AP3M1: variants seen among roughly 807,000 people sequenced by gnomAD.
The protein encoded by AP3M1 is AP-3 complex subunit mu-1.
Under a neutral mutation model 42.6 loss-of-function variants are expected in AP3M1, and 29 were observed. The ratio of observed to expected loss-of-function variants is 0.68; its 90% confidence interval spans 0.51 to 0.93. The LOEUF is 0.93. Ranked by LOEUF, AP3M1 falls within the 40% of genes least tolerant of loss-of-function variation. AP3M1 has a pLI of 0.00. For missense variants in AP3M1, 416 were observed against 510.2 expected, an observed-to-expected ratio of 0.82 and a Z score of 1.78; for synonymous variants, 178 against 175.3, an observed-to-expected ratio of 1.02 and a Z score of -0.12.
At chr10:74,140,402 G>A (rs1267205882) in intron 1 of AP3M1, among the ~76,000 whole-genome samples, 1 of 152,180 alleles carries the variant, frequency 6.6e-6, no homozygotes, top group South Asian at 2.1e-4. Context: ...CCTTCAAAGC[G>A]GGGTCTTCTG....
chr10:74,141,959 G>T (rs1409535039), intron 1 of AP3M1, among the ~76,000 whole-genome samples: 2 of 151,136 alleles, frequency 1.3e-5, no homozygotes, highest in Non-Finnish European at 2.9e-5. Flanking sequence ...CTGACCTCGT[G>T]ATCCGCCTGC....
At chr10:74,140,840 C>T (rs1489050114) in intron 1 of AP3M1, among the ~76,000 whole-genome samples, 1 of 151,886 alleles carries the variant, frequency 6.6e-6, no homozygotes, top group Non-Finnish European at 1.5e-5. Context: ...TTTCCACATA[C>T]AAAAGAATGA....
intron 6 of AP3M1, chr10:74,128,765 T>C (rs1304955503): frequency 1.8e-5 from 3 of 162,210 alleles, no homozygotes; most frequent in East Asian, 3.8e-4. Flanking sequence ...CAGAGCAAAA[T>C]GGACCATGCA....
chr10:74,137,299 T>C (rs1300912064), intron 2 of AP3M1, among the ~76,000 whole-genome samples: 1 of 152,154 alleles, frequency 6.6e-6, no homozygotes, highest in African/African-American at 2.4e-5. Context: ...TCTATAGTCC[T>C]AATATTATTC....
chr10:74,146,013 T>C (rs1483810567), intron 1 of AP3M1, among the ~76,000 whole-genome samples: 1 of 152,208 alleles, frequency 6.6e-6, no homozygotes, highest in Non-Finnish European at 1.5e-5. Flanking sequence ...TTTGAGGCAC[T>C]GGGTATATAA....
chr10:74,146,144 C>G (rs1377323540), intron 1 of AP3M1, among the ~76,000 whole-genome samples: 1 of 152,108 alleles, frequency 6.6e-6, no homozygotes, highest in East Asian at 1.9e-4. Context: ...CTGTGGGAAT[C>G]TACAAGGCTT....
intron 1 of AP3M1, among the ~76,000 whole-genome samples, chr10:74,144,685 C>T (rs534728434): frequency 6.8e-4 from 97 of 142,624 alleles, no homozygotes; most frequent in Non-Finnish European, 6.1e-4. Context: ...TTTTTTGAGA[C>T]GGAGTCTTGC....
intron 6 of AP3M1, 150 bp downstream of exon 6, chr10:74,128,958 A>G (rs1840696153): frequency 2.3e-6 from 2 of 855,114 alleles, no homozygotes; most frequent in Non-Finnish European, 3.6e-6. Flanking sequence ...TTAGGTGCGT[A>G]TTTTCACCCG....
chr10:74,144,458 A>G (rs1841267795), intron 1 of AP3M1, among the ~76,000 whole-genome samples: 1 of 151,952 alleles, frequency 6.6e-6, no homozygotes, highest in Admixed American at 6.6e-5. Context: ...TTGTAGAGAC[A>G]AAGTCTGCCT....
At chr10:74,139,401 C>T (rs964659066) in intron 1 of AP3M1, among the ~76,000 whole-genome samples, 1 of 151,382 alleles carries the variant, frequency 6.6e-6, no homozygotes, top group East Asian at 1.9e-4. Context: ...ATTGCTTGAG[C>T]TCAGGAGTTT....
intron 1 of AP3M1, among the ~76,000 whole-genome samples, chr10:74,144,725 C>T (rs1435595936): frequency 6.6e-6 from 1 of 150,762 alleles, no homozygotes; most frequent in African/African-American, 2.4e-5. Flanking sequence ...TGCAATGGCA[C>T]GATTTCCTCT....
At chr10:74,145,499 T>C (rs1455180463) in intron 1 of AP3M1, among the ~76,000 whole-genome samples, 1 of 152,256 alleles carries the variant, frequency 6.6e-6, no homozygotes, top group Non-Finnish European at 1.5e-5. Flanking sequence ...CTAATGCATA[T>C]AACAATTAAA....
In AP3M1 at chr10:74,123,525, T is replaced by A; in HGVS notation, c.*285A>T. 2 of 436,792 alleles carry A rather than the reference T, an allele frequency of 4.6e-6. No individual in the cohort carries two copies. Among genetic ancestry groups the A allele is most frequent in the Non-Finnish European group, 8.3e-6 (2 of 242,420 alleles). 27.1% of individuals were successfully genotyped at this position (436,792 alleles called of 1,614,324 possible). Reference sequence around the variant, plus strand: ...TATCACTACAGCTTTCTGCCTTTACTGTTACAATGTGCAGCCGCCAGATGG... The same window carrying A: ...TATCACTACAGCTTTCTGCCTTTACAGTTACAATGTGCAGCCGCCAGATGG... On this transcript the variant is annotated 3_prime_UTR_variant, in exon 9 of 9. Coordinates refer to ENST00000355264, the MANE Select transcript of AP3M1 (RefSeq NM_012095.6).
Position 74,123,695 on chromosome 10 carries a change from G to T in AP3M1, c.*115C>A. 1 of 807,896 alleles carries T rather than the reference G, an allele frequency of 1.2e-6. No homozygotes were observed. 50.0% of individuals were successfully genotyped at this position (807,896 alleles called of 1,614,324 possible). ...TAAGTAACTTTGTTAGCGGTGTGTA[G>T]CTAGACACAAATGCTTTAACTAGAA... On this transcript the variant is annotated 3_prime_UTR_variant, in exon 9 of 9. Transcript: ENST00000355264.
intron 5 of AP3M1, 48 bp from the exon 6 acceptor site, chr10:74,129,289 G>A (rs770794873): frequency 6.3e-7 from 1 of 1,592,552 alleles, no homozygotes; most frequent in Non-Finnish European, 8.6e-7. Context: ...AATGAATATG[G>A]GAACTGTACT....
At position 74,138,102 on chromosome 10, in the gene AP3M1, C is replaced by T. The variant is rs756075867; in HGVS notation, c.273+5G>A. On this transcript the variant is annotated splice_donor_5th_base_variant and intron_variant, in intron 2 of 8. Transcript: ENST00000355264. ...TAACTTAGAAAGGTATGATAGATAA[C>T]CAACCTGAAAAGTGTCAGCAACTCG... 2.5e-6 allele frequency: 4 copies of T among 1,611,512 alleles called. No homozygotes were observed. The highest frequency in any genetic ancestry group is 2.5e-6 in the Non-Finnish European group (3 of 1,178,620).
rs371402726 is a variant in AP3M1 at position 74,125,064 on chromosome 10, T to C, written c.1012-540A>G. Among the ~76,000 whole-genome samples, 30 of 152,252 alleles carry C rather than the reference T, an allele frequency of 2.0e-4. No homozygotes were observed. The South Asian group carries it at 2.9e-3, about 15-fold the overall frequency. ...GGTGCAATCTTGGCTCACCACAAAC[T>C]CTGCCTCCCAGGTTCAAGCGATGCT... On this transcript the variant is annotated intron_variant, in intron 7 of 8. Transcript: ENST00000355264.
intron 6 of AP3M1, among the ~76,000 whole-genome samples, chr10:74,126,843 T>C (rs1481808400): frequency 6.6e-6 from 1 of 151,710 alleles, no homozygotes; most frequent in Admixed American, 6.6e-5. Flanking sequence ...TGGTGGCTCA[T>C]GCCTGTAGTC....
chr10:74,139,913 C>CAAA lies in AP3M1; in HGVS notation c.-3-1534_-3-1532dup, dbSNP rs35170560. ...TGGGTGACAGATTGAGACTCCATCT[C>CAAA]AAAAAAAAAAAAAAAAAAATCCCAG... is the stretch of plus-strand genomic sequence containing the variant. On this transcript the variant is annotated intron_variant, in intron 1 of 8. Coordinates refer to ENST00000355264, the MANE Select transcript of AP3M1 (RefSeq NM_012095.6). Among the ~76,000 whole-genome samples the CAAA allele has an allele frequency of 2.2e-4, 25 of 111,558 alleles. 1 individual carries two copies. Among genetic ancestry groups the CAAA allele is most frequent in the Non-Finnish European group, 3.2e-4 (18 of 56,434 alleles). The allele number at this position is 111,558 out of a possible 152,430, so 73.2% of individuals were successfully genotyped here. A position where few individuals can be genotyped will look rare whatever the true frequency, so the allele number is the denominator to read the frequency against.
Sources: gnomAD v4.1 joint callset for allele counts (sites outside exome capture counted in the v4.1 genomes callset) on GRCh38, gnomAD v4.1.1 for gene constraint, MANE v1.5 for transcripts, NCBI Gene and HGNC (gene_info 2026-07-23, HGNC 2026-07-21) for gene names.